The following IGFL2 variants were observed in gnomAD, a reference collection of about 807,000 sequenced individuals.
The protein encoded by IGFL2 is insulin growth factor-like family member 2.
Under a neutral mutation model 13.9 loss-of-function variants are expected in IGFL2, and 7 were observed. The observed-to-expected ratio is 0.51, with a 90% CI of 0.29 to 0.95. The LOEUF is 0.95. IGFL2 is among the 40% of genes least tolerant of loss of function. IGFL2 has a pLI of 0.08. For missense variants in IGFL2, 138 were observed against 147.8 expected (o/e 0.93, Z 0.34); for synonymous variants, 55 against 55.8 (o/e 0.99, Z 0.07).
At chr19:46,122,339 T>A in the IGFL2 span, among the ~76,000 whole-genome samples, 1 of 151,090 alleles carries the variant, frequency 6.6e-6, no homozygotes, top group Admixed American at 6.6e-5. Flanking sequence ...GGACAAATAC[T>A]AAATATTATA....
At chr19:46,082,832 C>G in the IGFL2 span, among the ~76,000 whole-genome samples, 240 of 152,236 alleles carry the variant, frequency 1.6e-3, 1 homozygote, top group South Asian at 0.016. Flanking sequence ...ATGGGTAGCT[C>G]TCCTTGACAA....
At chr19:46,208,922 T>G in the IGFL2 span, 1 of 152,182 alleles carries the variant, frequency 6.6e-6, no homozygotes, top group African/African-American at 2.4e-5. Context: ...ATTTCTACTG[T>G]ATTCTACAGT....
the IGFL2 span, among the ~76,000 whole-genome samples, chr19:46,120,920 A>G: frequency 4.6e-5 from 7 of 151,136 alleles, 2 homozygotes; most frequent in East Asian, 1.4e-3. Flanking sequence ...TACCCCATAA[A>G]TACAACTATA....
chr19:46,089,608 T>C, the IGFL2 span, among the ~76,000 whole-genome samples: 2 of 151,992 alleles, frequency 1.3e-5, no homozygotes, highest in Non-Finnish European at 2.9e-5. Flanking sequence ...CTCTCCTTCA[T>C]TTCTGAAGAA....
chr19:46,169,880 C>T, the IGFL2 span, among the ~76,000 whole-genome samples: 9 of 151,020 alleles, frequency 6.0e-5, no homozygotes, highest in East Asian at 1.7e-3. Flanking sequence ...GGAGATAACA[C>T]CCTAGAATTG....
the IGFL2 span, among the ~76,000 whole-genome samples, chr19:46,122,677 C>T: frequency 6.6e-6 from 1 of 150,940 alleles, no homozygotes; most frequent in African/African-American, 2.5e-5. Flanking sequence ...CGGTTACTGT[C>T]AGACAACTTA....
chr19:46,085,782 A>C, the IGFL2 span, among the ~76,000 whole-genome samples: 1 of 152,094 alleles, frequency 6.6e-6, no homozygotes, highest in African/African-American at 2.4e-5. Context: ...TCCATGTTTA[A>C]CACTCCCTTA....
the IGFL2 span, among the ~76,000 whole-genome samples, chr19:46,117,614 G>T: frequency 1.3e-5 from 2 of 152,196 alleles, no homozygotes; most frequent in East Asian, 3.9e-4. Flanking sequence ...AAGTAGCTGG[G>T]ACTACATGCA....
the IGFL2 span, among the ~76,000 whole-genome samples, chr19:46,129,229 T>C: frequency 6.6e-6 from 1 of 152,268 alleles, no homozygotes; most frequent in Non-Finnish European, 1.5e-5. Context: ...ATCTTCCCTC[T>C]TCTTTTTTAA....
chr19:46,130,346 T>C, the IGFL2 span, among the ~76,000 whole-genome samples: 1 of 152,308 alleles, frequency 6.6e-6, no homozygotes, highest in Non-Finnish European at 1.5e-5. Context: ...ACTAAGTGGG[T>C]GAAGTACACG....
the IGFL2 span, among the ~76,000 whole-genome samples, chr19:46,102,407 C>T: frequency 6.6e-6 from 1 of 152,142 alleles, no homozygotes; most frequent in Admixed American, 6.5e-5. Flanking sequence ...AAAGTATATT[C>T]TCAAGGATGT....
chr19:46,170,870 A>C, the IGFL2 span, among the ~76,000 whole-genome samples: 1 of 152,144 alleles, frequency 6.6e-6, no homozygotes. Context: ...TATCAATGAC[A>C]ATGTGTGCAC....
At chr19:46,140,318 T>C (rs551527640), upstream of IGFL2, among the ~76,000 whole-genome samples, 121 of 152,198 alleles carry the variant, frequency 8.0e-4, 1 homozygote, top group Middle Eastern at 0.017. Flanking sequence ...AGAACATTTA[T>C]GCTAAATTGA....
At chr19:46,181,720 C>T in the IGFL2 span, among the ~76,000 whole-genome samples, 8 of 152,204 alleles carry the variant, frequency 5.3e-5, no homozygotes, top group Admixed American at 5.2e-4. Context: ...AGCCCTGGCC[C>T]CCAAATTCTT....
At chr19:46,201,113 A>G in the IGFL2 span, among the ~76,000 whole-genome samples, 2 of 152,242 alleles carry the variant, frequency 1.3e-5, no homozygotes, top group Admixed American at 1.3e-4. Context: ...GAGAAGGAGA[A>G]CACGCTGTCC....
At chr19:46,081,122 A>G in the IGFL2 span, among the ~76,000 whole-genome samples, 6 of 152,216 alleles carry the variant, frequency 3.9e-5, no homozygotes, top group Non-Finnish European at 2.9e-5. Flanking sequence ...TGGACTGGCT[A>G]AACCAGGCCA....
At chr19:46,136,886 G>T in the IGFL2 span, 1 of 780,544 alleles carries the variant, frequency 1.3e-6, no homozygotes, top group Non-Finnish European at 2.3e-6. Context: ...TCTGTGTATT[G>T]GTACTTGGTC....
chr19:46,128,830 T>C, the IGFL2 span, among the ~76,000 whole-genome samples: 1 of 152,142 alleles, frequency 6.6e-6, no homozygotes. Flanking sequence ...GTCTGCCAGG[T>C]TTTGATATCA....
the IGFL2 span, among the ~76,000 whole-genome samples, chr19:46,115,170 C>G: frequency 6.6e-6 from 1 of 152,064 alleles, no homozygotes. Context: ...ACCTAACTAT[C>G]CCCACTTGTG....
Sources: gnomAD v4.1 joint callset for allele counts (sites outside exome capture counted in the v4.1 genomes callset) on GRCh38, gnomAD v4.1.1 for gene constraint, MANE v1.5 for transcripts, NCBI Gene and HGNC (gene_info 2026-07-23, HGNC 2026-07-21) for gene names.